Variants in JAKMIP3 observed in about 807,000 individuals in gnomAD.
JAKMIP3 encodes the protein Janus kinase and microtubule interacting protein 3, also known as janus kinase and microtubule-interacting protein 3.
In JAKMIP3, 58 loss-of-function variants were observed where a neutral mutation model predicts 118.5. That is an observed-to-expected ratio of 0.49 (90% CI 0.40 to 0.61). The LOEUF (loss-of-function observed/expected upper bound fraction) is 0.61. JAKMIP3 is among the 20% of genes least tolerant of loss of function. JAKMIP3 has a pLI of 0.00. For synonymous variants in JAKMIP3, 486 were observed against 451.2 expected (o/e 1.08, Z -0.98); for missense variants, 950 against 1,109.0 (o/e 0.86, Z 2.04).
chr10:132,097,929 C>CTTCCTTTTCTTTT (rs1395754610), intron 1 of JAKMIP3, among the ~76,000 whole-genome samples: 3 of 23,536 alleles, frequency 1.3e-4, no homozygotes, highest in South Asian at 2.5e-3. Flanking sequence ...CCTTTCCTTC[C>CTTCCTTTTCTTTT]CCTTCCCCTT....
chr10:132,111,355 C>T (rs535335315), intron 2 of JAKMIP3, among the ~76,000 whole-genome samples: 2 of 151,504 alleles, frequency 1.3e-5, no homozygotes, highest in Non-Finnish European at 2.9e-5. Context: ...AGAGACCCCC[C>T]CCATGAGCAC....
intron 6 of JAKMIP3, among the ~76,000 whole-genome samples, chr10:132,136,552 C>T (rs1363231944): frequency 6.6e-6 from 1 of 152,232 alleles, no homozygotes; most frequent in South Asian, 2.1e-4. Flanking sequence ...CCCTGAGGAC[C>T]CCAAAGGCCA....
chr10:132,148,368 GAAAAC>G (rs879460156), intron 14 of JAKMIP3, among the ~76,000 whole-genome samples: 1 of 152,156 alleles, frequency 6.6e-6, no homozygotes, highest in East Asian at 1.9e-4. Context: ...GTCATGCAGG[GAAAAC>G]AAAACAAAAG....
chr10:132,167,816 C>A (rs111461362), intron 22 of JAKMIP3, 137 bp from the exon 23 acceptor site: 4 of 358,938 alleles, frequency 1.1e-5, no homozygotes, highest in Non-Finnish European at 2.0e-5. Flanking sequence ...CACCCCTCAC[C>A]CCTCGGCCCT....
chr10:132,120,789 T>A (rs948743403), intron 3 of JAKMIP3, among the ~76,000 whole-genome samples: 1 of 152,086 alleles, frequency 6.6e-6, no homozygotes, highest in East Asian at 1.9e-4. Context: ...TTTAAGGCCG[T>A]CATTTATGAG....
chr10:132,163,857 G>A (rs1669086606), intron 20 of JAKMIP3, among the ~76,000 whole-genome samples: 1 of 152,244 alleles, frequency 6.6e-6, no homozygotes, highest in South Asian at 2.1e-4. Context: ...TGGCAAGGAT[G>A]TTCTCTGGGG....
At chr10:132,064,655 G>C (rs910023260), upstream of JAKMIP3, among the ~76,000 whole-genome samples, 5 of 152,208 alleles carry the variant, frequency 3.3e-5, no homozygotes, top group African/African-American at 1.2e-4. The surrounding 1 kb of genome is among the most constrained non-coding windows in gnomAD (Gnocchi z 4.4). Flanking sequence ...CGTCACACGA[G>C]TCAGGACATG....
At chr10:132,071,847 T>TC (rs1278757933) in intron 1 of JAKMIP3, among the ~76,000 whole-genome samples, 1 of 126,234 alleles carries the variant, frequency 7.9e-6, no homozygotes, top group Non-Finnish European at 1.6e-5. Flanking sequence ...TTTCCTTTCT[T>TC]TCTTTCCTTT....
chr10:132,136,232 C>A (rs112106400), intron 6 of JAKMIP3, among the ~76,000 whole-genome samples, 156 bp downstream of exon 6: 18,161 of 152,086 alleles, frequency 0.12, 1,603 homozygotes, highest in East Asian at 0.29. Context: ...TGAAGGGGAG[C>A]AACCGCCAAG....
intron 3 of JAKMIP3, among the ~76,000 whole-genome samples, chr10:132,130,866 C>T (rs2050437346): frequency 6.6e-6 from 1 of 152,072 alleles, no homozygotes. Context: ...CAGGCTCCAC[C>T]CTAGAGGTTC....
chr10:132,164,747 G>A lies in JAKMIP3; in HGVS notation c.2490+12G>A, dbSNP rs367991711. The A allele has an allele frequency of 1.8e-5, 29 of 1,585,182 alleles. No homozygotes were observed. Among genetic ancestry groups the A allele is most frequent in the Non-Finnish European group, 2.4e-5 (28 of 1,154,138 alleles). On this transcript the variant is annotated intron_variant, in intron 21 of 23. Coordinates refer to ENST00000684848, the MANE Select transcript of JAKMIP3 (RefSeq NM_001323087.2). ...AACTGGAGGAAAAGGTAAAACAAAT[G>A]CAGTTTTGGGGGTTGCTTGTTAAGA... is the stretch of plus-strand genomic sequence containing the variant.
chr10:132,071,896 T>TCTTTCTTTCCTTC (rs1177981068), intron 1 of JAKMIP3, among the ~76,000 whole-genome samples: 1 of 68,822 alleles, frequency 1.5e-5, no homozygotes, highest in African/African-American at 7.7e-5. Flanking sequence ...TTCTTTCCTT[T>TCTTTCTTTCCTTC]CTTTCTTCCC....
chr10:132,154,597 G>A (rs1455367476), intron 19 of JAKMIP3, among the ~76,000 whole-genome samples: 1 of 152,214 alleles, frequency 6.6e-6, no homozygotes, highest in East Asian at 1.9e-4. Flanking sequence ...CCATGTTGTG[G>A]AAAGACAAGT....
chr10:132,062,860 C>A (rs986358910), upstream of JAKMIP3, among the ~76,000 whole-genome samples: 1 of 152,068 alleles, frequency 6.6e-6, no homozygotes, highest in Non-Finnish European at 1.5e-5. Flanking sequence ...CTGGAAGGCG[C>A]AGGCCTGTCT....
intron 23 of JAKMIP3, among the ~76,000 whole-genome samples, chr10:132,173,005 CT>C (rs1189022944): frequency 2.6e-5 from 1 of 38,984 alleles, no homozygotes; most frequent in Non-Finnish European, 5.4e-5. Flanking sequence ...CCTTCCCTCT[CT>C]CTCTCTCTCC....
chr10:132,124,226 G>A (rs1049156186), intron 3 of JAKMIP3, among the ~76,000 whole-genome samples: 7 of 152,304 alleles, frequency 4.6e-5, no homozygotes, highest in Admixed American at 6.5e-5. Context: ...TGCTTTGCCC[G>A]CCCCGGTGCG....
intron 2 of JAKMIP3, among the ~76,000 whole-genome samples, chr10:132,109,300 C>CA (rs2046474114): frequency 6.6e-6 from 1 of 151,876 alleles, no homozygotes; most frequent in African/African-American, 2.4e-5. Context: ...AAGACTGTCT[C>CA]AAAAAACAAA....
rs2060570436 is a variant in JAKMIP3 at position 132,179,956 on chromosome 10, AAC to A, written c.*1104-2397_*1104-2396del. On this transcript the variant is annotated intron_variant, in intron 23 of 23. Transcript: ENST00000684848. This position sits in a 1 kb window ranked among gnomAD's most constrained non-coding sequence, Gnocchi z 4.3. The stretch of plus-strand genomic sequence containing the variant: ...GGGCACACACTCCCTCCAGCAGCAA[AAC>A]ACAGCCCCATATATGCAGTGTTTCT... Among the ~76,000 whole-genome samples, 1 of 152,028 alleles carries A rather than the reference AAC, an allele frequency of 6.6e-6. No individual in the cohort carries two copies. Among genetic ancestry groups the A allele is most frequent in the African/African-American group, 2.4e-5 (1 of 41,376 alleles).
intron 3 of JAKMIP3, among the ~76,000 whole-genome samples, chr10:132,123,259 T>C (rs1225930674): frequency 6.6e-6 from 1 of 152,204 alleles, no homozygotes; most frequent in African/African-American, 2.4e-5. Flanking sequence ...ATCTGTGCCA[T>C]GTCATCACAG....
Sources: gnomAD v4.1 joint callset for allele counts (sites outside exome capture counted in the v4.1 genomes callset) on GRCh38, gnomAD v4.1.1 for gene constraint, Gnocchi (gnomAD v3.1) non-coding constraint, MANE v1.5 for transcripts, NCBI Gene and HGNC (gene_info 2026-07-23, HGNC 2026-07-21) for gene names.